TIMELESS: variants seen among roughly 807,000 people sequenced by gnomAD.
TIMELESS encodes the protein protein timeless homolog.
Under a neutral mutation model 164.3 loss-of-function variants are expected in TIMELESS, and 124 were observed. That is an observed-to-expected ratio of 0.75 (90% CI 0.65 to 0.88). The LOEUF (loss-of-function observed/expected upper bound fraction) is 0.88. TIMELESS is among the 40% of genes least tolerant of loss of function. The pLI is 0.00. For missense variants in TIMELESS, 1,422 were observed against 1,491.4 expected (o/e 0.95, Z 0.77); for synonymous variants, 564 against 563.4 (o/e 1.00, Z -0.02).
rs747537874 is a variant in TIMELESS at position 56,424,970 on chromosome 12, C to T, written c.1716+45G>A. ...GAGTGGAAAACCCAGATTGTATACC[C>T]TGAGCACTATTCTCAAAAAAGACAG... On this transcript the variant is annotated intron_variant, in intron 14 of 28. Transcript: ENST00000553532. 7 of 1,613,908 alleles carry T rather than the reference C, an allele frequency of 4.3e-6. No homozygotes were observed. The South Asian group carries it at 4.4e-5, about 10-fold the overall frequency.
Position 56,421,979 on chromosome 12 carries a change from A to AGGTG in TIMELESS, c.2561_2562insCACC (p.Val856TyrfsTer20). 1 of 1,614,170 alleles carries AGGTG rather than the reference A, an allele frequency of 6.2e-7. No individual in the cohort carries two copies. The highest frequency in any genetic ancestry group is 8.5e-7 in the Non-Finnish European group (1 of 1,180,022). On this transcript the variant is annotated frameshift_variant, in exon 21 of 29. Transcript: ENST00000553532. LOFTEE classifies it high-confidence loss of function. ...TCTGCTTGCGTGTTCGAGGAACAGTATTCAGGTGGGCCAAGATGGCTTCCA... is the reference window on the plus strand; with the variant it reads ...TCTGCTTGCGTGTTCGAGGAACAGTAGGTGTTCAGGTGGGCCAAGATGGCTTCCA...
chr12:56,418,487 A>T (rs7134031), intron 26 of TIMELESS, 128 bp from the exon 27 acceptor site: 601,398 of 648,358 alleles, frequency 0.93, 281,035 homozygotes, highest in Non-Finnish European at 0.97. Context: ...ATTTATTATA[A>T]TACTTACTAT....
At chr12:56,423,018 G>C (rs1217898719) in intron 18 of TIMELESS, 26 bp from the exon 19 acceptor site, 1 of 1,608,348 alleles carries the variant, frequency 6.2e-7, no homozygotes, top group Non-Finnish European at 8.5e-7. Flanking sequence ...GTTACTATGA[G>C]GCCTCTCTGG....
chr12:56,429,203 A>ATT (rs371281887), intron 10 of TIMELESS, 103 bp from the exon 11 acceptor site: 808 of 922,630 alleles, frequency 8.8e-4, no homozygotes, highest in African/African-American at 2.0e-3. Flanking sequence ...CACCGTCATA[A>ATT]TTTTTTTTTT....
At position 56,432,369 on chromosome 12, in the gene TIMELESS, C is replaced by T. The variant is rs773647525; in HGVS notation, c.687G>A (p.Gln229=). The part of the protein sequence containing the change: ...LEIVSLMFRD[Q]NPEQLAGVGQ... Reference sequence around the variant, plus strand: ...CTCGGGCAATAGGCCAGGGTCTCACCTGGTCACGAAACATAAGGGAGACAA... The same window carrying T: ...CTCGGGCAATAGGCCAGGGTCTCACTTGGTCACGAAACATAAGGGAGACAA... The change falls in exon 7 of 29, where the codon CAG becomes CAA. Residue 229 remains glutamine (Q), a splice_region_variant and synonymous_variant. Coordinates refer to ENST00000553532, the MANE Select transcript of TIMELESS (RefSeq NM_003920.5). The T allele has an allele frequency of 1.8e-5, 29 of 1,612,672 alleles. No individual in the cohort carries two copies. The highest frequency in any genetic ancestry group is 2.2e-5 in the Non-Finnish European group (26 of 1,178,880).
intron 26 of TIMELESS, among the ~76,000 whole-genome samples, chr12:56,419,696 C>G (rs898426433): frequency 3.3e-5 from 5 of 151,736 alleles, no homozygotes; most frequent in African/African-American, 4.8e-5. Flanking sequence ...ATCAATGGCT[C>G]TGGACAGAGG....
Position 56,447,372 on chromosome 12 carries a change from A to AATC in TIMELESS, c.-62+1935_-62+1937dup, listed in dbSNP as rs776256189. Among the ~76,000 whole-genome samples the AATC allele has an allele frequency of 3.3e-5, 5 of 152,190 alleles. No individual in the cohort carries two copies. In the Middle Eastern group the frequency reaches 0.014, roughly 417 times the overall value. Reference sequence around the variant, plus strand: ...AAAACGTAAACTCTTTCACATCAGGAATCATCATTACGCAGCACAATGTAA... The same window carrying AATC: ...AAAACGTAAACTCTTTCACATCAGGAATCATCATCATTACGCAGCACAATGTAA... On this transcript the variant is annotated intron_variant, in intron 1 of 28. Transcript: ENST00000553532.
chr12:56,436,653 C>T (rs1882079928), intron 1 of TIMELESS, among the ~76,000 whole-genome samples: 1 of 152,132 alleles, frequency 6.6e-6, no homozygotes, highest in Non-Finnish European at 1.5e-5. Context: ...AGACATGGCT[C>T]TCTCCAGGCT....
chr12:56,426,912 T>C (rs1358718695), intron 13 of TIMELESS, among the ~76,000 whole-genome samples: 1 of 152,172 alleles, frequency 6.6e-6, no homozygotes, highest in South Asian at 2.1e-4. Context: ...TACAAATTCC[T>C]TGGAGTTTGC....
chr12:56,420,831 CA>C lies in TIMELESS; in HGVS notation c.3090del (p.Asp1031MetfsTer37). 1 of 1,614,212 alleles carries C rather than the reference CA, an allele frequency of 6.2e-7. No homozygotes were observed. Among genetic ancestry groups the C allele is most frequent in the African/African-American group, 1.3e-5 (1 of 75,058 alleles). On this transcript the variant is annotated frameshift_variant, in exon 25 of 29. Coordinates refer to ENST00000553532, the MANE Select transcript of TIMELESS (RefSeq NM_003920.5). LOFTEE classifies it high-confidence loss of function. ...LWLQNCLIRA[A>X]DDREEDGCSQ... ...CACTCACCATCCTCTTCCCGATCAT[CA>C]GCTGCTCGGATCAGGCAGTTCTGGA...
chr12:56,431,655 T>C, intron 7 of TIMELESS, 51 bp from the exon 8 acceptor site: 1 of 1,589,738 alleles, frequency 6.3e-7, no homozygotes, highest in Non-Finnish European at 8.5e-7. Context: ...TTCCTTATCC[T>C]GAGTTCACGC....
At chr12:56,425,226 C>T in intron 13 of TIMELESS, 74 bp from the exon 14 acceptor site, 2 of 1,485,426 alleles carry the variant, frequency 1.3e-6, no homozygotes, top group Non-Finnish European at 1.8e-6. Context: ...TTTTCTATTA[C>T]AAAACTAATT....
Position 56,422,022 on chromosome 12 carries a change from G to A in TIMELESS, c.2525-6C>T, listed in dbSNP as rs192959196. ...GGCTTCCACCACATCCTGCCCTGGCGTGGGGAAGGACTAAGGCAGTAAAGA... is the reference window on the plus strand; with the variant it reads ...GGCTTCCACCACATCCTGCCCTGGCATGGGGAAGGACTAAGGCAGTAAAGA... On this transcript the variant is annotated splice_region_variant and splice_polypyrimidine_tract_variant and intron_variant, in intron 20 of 28. Coordinates refer to ENST00000553532, the MANE Select transcript of TIMELESS (RefSeq NM_003920.5). 33 of 1,613,920 alleles carry A rather than the reference G, an allele frequency of 2.0e-5. No homozygotes were observed. The Admixed American group carries it at 2.5e-4, about 12-fold the overall frequency.
rs1231235450 is a variant in TIMELESS at position 56,418,354 on chromosome 12, G to A, written c.3234C>T (p.Thr1078=). The change falls in exon 27 of 29, where the codon ACC becomes ACT. Residue 1078 remains threonine, a synonymous_variant. Coordinates refer to ENST00000553532, the MANE Select transcript of TIMELESS (RefSeq NM_003920.5). The part of the protein sequence containing the change: ...GVRPPASGQE[T]FWRIPAKLSP... ...TCAGCTTGGCTGGAATTCGCCAGAAGGTTTCCTACAGGGGCCAAAAAGTTG... is the reference window on the plus strand; with the variant it reads ...TCAGCTTGGCTGGAATTCGCCAGAAAGTTTCCTACAGGGGCCAAAAAGTTG... The A allele has an allele frequency of 1.2e-6, 2 of 1,605,608 alleles. No homozygotes were observed. Among genetic ancestry groups the A allele is most frequent in the Non-Finnish European group, 1.7e-6 (2 of 1,176,502 alleles).
At position 56,424,750 on chromosome 12, in the gene TIMELESS, C is replaced by T. The variant is rs1018051730; in HGVS notation, c.1868+12G>A. The T allele has an allele frequency of 4.3e-6, 7 of 1,611,942 alleles. No homozygotes were observed. In the African/African-American group the frequency reaches 6.7e-5, roughly 15 times the overall value. On this transcript the variant is annotated intron_variant, in intron 15 of 28. Coordinates refer to ENST00000553532, the MANE Select transcript of TIMELESS (RefSeq NM_003920.5). ...CCCAAAGCCCAAGAGGATGAGCAGG[C>T]AGGGTTCTTACCGAGCAGACCTCAG...
chr12:56,418,793 C>G (rs1261597973), intron 26 of TIMELESS, among the ~76,000 whole-genome samples: 1 of 151,788 alleles, frequency 6.6e-6, no homozygotes, highest in African/African-American at 2.4e-5. Context: ...GTTGCCCAGG[C>G]CAGTCTCAAA....
chr12:56,437,421 CT>C (rs34169124), intron 1 of TIMELESS, among the ~76,000 whole-genome samples: 73,455 of 146,802 alleles, frequency 0.5, 18,511 homozygotes, highest in Non-Finnish European at 0.55. Flanking sequence ...GATTTTATAG[CT>C]TTTTTTTTTT....
chr12:56,422,807 T>TGCCC, intron 19 of TIMELESS, 40 bp downstream of exon 19: 1 of 1,447,344 alleles, frequency 6.9e-7, no homozygotes, highest in Non-Finnish European at 9.5e-7. Flanking sequence ...GCATCAAACT[T>TGCCC]CCCCTACCCC....
At chr12:56,418,390 G>A (rs1881343647) in intron 26 of TIMELESS, 31 bp from the exon 27 acceptor site, 3 of 1,514,302 alleles carry the variant, frequency 2.0e-6, no homozygotes, top group Non-Finnish European at 2.7e-6. Flanking sequence ...AAAAGGGAAA[G>A]GACCAGCTTT....
Sources: gnomAD v4.1 joint callset for allele counts (sites outside exome capture counted in the v4.1 genomes callset) on GRCh38, gnomAD v4.1.1 for gene constraint, MANE v1.5 for transcripts, NCBI Gene and HGNC (gene_info 2026-07-23, HGNC 2026-07-21) for gene names.